The following JMJD1C variants were observed in gnomAD, a reference collection of about 807,000 sequenced individuals.
JMJD1C encodes the protein jumonji domain-containing protein 1C.
A neutral mutation model predicts 245.3 loss-of-function variants in JMJD1C; 31 were observed. The ratio of observed to expected loss-of-function variants is 0.13; its 90% CI spans 0.09 to 0.17. The LOEUF (loss-of-function observed/expected upper bound fraction) is 0.17. JMJD1C is among the 10% of genes least tolerant of loss of function. The probability of loss-of-function intolerance (pLI) is 1.00; values close to 1 mark genes in which losing one functional copy is unlikely to be tolerated. For missense variants in JMJD1C, 2,691 were observed against 3,000.2 expected (o/e 0.90, Z 2.41); for synonymous variants, 1,057 against 1,017.4 (o/e 1.04, Z -0.74).
chr10:63,192,649 C>T (rs1290196555), intron 16 of JMJD1C, among the ~76,000 whole-genome samples: 6 of 152,060 alleles, frequency 3.9e-5, no homozygotes, highest in Admixed American at 2.0e-4. Context: ...CTGGGAGGAT[C>T]GCCTGGGCCT....
chr10:63,502,395 T>C lies in JMJD1C; in HGVS notation n.113+19343A>G, dbSNP rs189332218. 8.9e-3 allele frequency among the ~76,000 whole-genome samples: 1,353 copies of C among 151,984 alleles called. 9 individuals carry two copies. Among genetic ancestry groups the C allele is most frequent in the Middle Eastern group, 0.044 (13 of 294 alleles). ...GGCTCATGCCTGTAATCCCAGCACT[T>C]TGGGAGGCCGAGGCAGGTGGATCAA... On this transcript the variant is annotated intron_variant and non_coding_transcript_variant, in intron 1 of 3. Transcript: ENST00000633035.
intron 3 of JMJD1C, among the ~76,000 whole-genome samples, chr10:63,242,164 A>G (rs1851560738): frequency 6.6e-6 from 1 of 152,198 alleles, no homozygotes; most frequent in Non-Finnish European, 1.5e-5. Flanking sequence ...CTAGGGTGAT[A>G]CTGGAGACAA....
At chr10:63,199,167 T>G (rs1373890303) in intron 11 of JMJD1C, among the ~76,000 whole-genome samples, 1 of 152,166 alleles carries the variant, frequency 6.6e-6, no homozygotes, top group African/African-American at 2.4e-5. Flanking sequence ...TTTTCATTAA[T>G]TAGACTGACA....
Position 63,193,441 on chromosome 10 carries a change from A to C in JMJD1C, c.5766T>G (p.Thr1922=), listed in dbSNP as rs747909955. ...VLTDLLDAMH[T]LREKYGIKSH... The stretch of plus-strand genomic sequence containing the variant: ...ATTTAATACCATATTTTTCCCTAAG[A>C]GTGTGCATGGCATCTAGAAGATCTG... The change falls in exon 15 of 26, where the codon ACT becomes ACG. Residue 1922 remains threonine, a synonymous_variant. Transcript: ENST00000399262. 97 of 1,597,984 alleles carry C rather than the reference A, an allele frequency of 6.1e-5. No individual in the cohort carries two copies. The highest frequency in any genetic ancestry group is 8.2e-5 in the Non-Finnish European group (96 of 1,169,106).
intron 3 of JMJD1C, among the ~76,000 whole-genome samples, chr10:63,240,776 T>C (rs1157308448): frequency 2.0e-5 from 3 of 152,170 alleles, no homozygotes; most frequent in Admixed American, 6.5e-5. Flanking sequence ...AGACAGGTTC[T>C]AGAATACAAA....
At chr10:63,294,573 T>C (rs969721484) in intron 2 of JMJD1C, among the ~76,000 whole-genome samples, 6 of 152,160 alleles carry the variant, frequency 3.9e-5, no homozygotes, top group Non-Finnish European at 8.8e-5. Context: ...CCTGAGCCAC[T>C]GCACCCTGGT....
intron 2 of JMJD1C, among the ~76,000 whole-genome samples, chr10:63,362,000 G>A (rs752333264): frequency 1.3e-5 from 2 of 151,880 alleles, no homozygotes; most frequent in Admixed American, 6.6e-5. Flanking sequence ...TTGGGAGGCC[G>A]AGGCGGGTGG....
chr10:63,397,457 T>C (rs546950421), intron 1 of JMJD1C, among the ~76,000 whole-genome samples: 29 of 152,234 alleles, frequency 1.9e-4, no homozygotes, highest in African/African-American at 7.0e-4. Context: ...AGGTGATCTG[T>C]CTGCCTCGGC....
intron 1 of JMJD1C, among the ~76,000 whole-genome samples, chr10:63,424,415 T>C (rs1290627366): frequency 1.3e-5 from 2 of 152,060 alleles, no homozygotes; most frequent in Non-Finnish European, 2.9e-5. Flanking sequence ...TATAAAACTA[T>C]TGTTTATATG....
chr10:63,372,482 T>A (rs1946390500), intron 2 of JMJD1C, among the ~76,000 whole-genome samples: 1 of 152,228 alleles, frequency 6.6e-6, no homozygotes, highest in African/African-American at 2.4e-5. Context: ...CTTTTTAGTA[T>A]TTTTTATTAT....
chr10:63,174,907 A>T (rs1349438518), intron 24 of JMJD1C, among the ~76,000 whole-genome samples: 1 of 152,126 alleles, frequency 6.6e-6, no homozygotes, highest in African/African-American at 2.4e-5. Context: ...GAATTGTTCT[A>T]CATTTTGATT....
chr10:63,357,967 C>G (rs1252267156), intron 2 of JMJD1C, among the ~76,000 whole-genome samples: 10 of 148,846 alleles, frequency 6.7e-5, no homozygotes, highest in Non-Finnish European at 1.3e-4. Flanking sequence ...AAAAACCTCT[C>G]AAATTAGAAC....
intron 1 of JMJD1C, among the ~76,000 whole-genome samples, chr10:63,417,562 C>T (rs1273232687): frequency 6.6e-6 from 1 of 152,128 alleles, no homozygotes; most frequent in Admixed American, 6.5e-5. Flanking sequence ...CAAGTGACTA[C>T]ACAGACTTGT....
chr10:63,386,093 G>GACACAC (rs147951202), intron 1 of JMJD1C, among the ~76,000 whole-genome samples: 3 of 150,170 alleles, frequency 2.0e-5, no homozygotes, highest in Admixed American at 6.6e-5. Flanking sequence ...CACATACACA[G>GACACAC]ACACACACAC....
intron 2 of JMJD1C, among the ~76,000 whole-genome samples, chr10:63,357,971 T>A (rs1438664147): frequency 1.3e-5 from 2 of 151,294 alleles, no homozygotes; most frequent in Non-Finnish European, 2.9e-5. Flanking sequence ...ACCTCTCAAA[T>A]TAGAACACAT....
chr10:63,392,867 A>AACACACACACACACACACACACAC (rs34778084), intron 1 of JMJD1C, among the ~76,000 whole-genome samples: 8 of 112,262 alleles, frequency 7.1e-5, no homozygotes, highest in African/African-American at 2.1e-4. Context: ...AAAGTACATA[A>AACACACACACACACACACACACAC]ACACACACAC....
intron 1 of JMJD1C, chr10:63,521,467 C>CGCGGCCTGCCGTTG: frequency 2.1e-6 from 2 of 972,856 alleles, no homozygotes; most frequent in Non-Finnish European, 2.7e-6. Flanking sequence ...CGGCGAAGCG[C>CGCGGCCTGCCGTTG]GCGGCCTGCC....
chr10:63,304,307 AG>A (rs1589429799), intron 2 of JMJD1C, among the ~76,000 whole-genome samples: 1 of 152,208 alleles, frequency 6.6e-6, no homozygotes, highest in African/African-American at 2.4e-5. Context: ...CGTTGGTAAC[AG>A]AAGTTTGGGC....
chr10:63,203,067 AG>A, intron 10 of JMJD1C: 1 of 984,566 alleles, frequency 1.0e-6, no homozygotes, highest in Non-Finnish European at 1.2e-6. Flanking sequence ...GACACAAAAT[AG>A]GCATTTAGAG....
Sources: allele counts gnomAD v4.1 joint callset (sites outside exome capture counted in the v4.1 genomes callset), GRCh38; gene constraint gnomAD v4.1.1; transcripts MANE v1.5; gene names NCBI Gene and HGNC (gene_info 2026-07-23, HGNC 2026-07-21).